The following INPP4B variants were observed in gnomAD, a reference collection of about 807,000 sequenced individuals.
INPP4B encodes the protein inositol polyphosphate-4-phosphatase type II B.
In INPP4B, 55 loss-of-function variants were observed where a neutral mutation model predicts 122.5. The ratio of observed to expected loss-of-function variants is 0.45; its 90% CI spans 0.36 to 0.56. The LOEUF is 0.56. INPP4B is among the 20% of genes least tolerant of loss of function. The probability of loss-of-function intolerance (pLI) is 0.00; values close to 1 mark genes in which losing one functional copy is unlikely to be tolerated. For missense variants in INPP4B, 1,000 were observed against 1,097.7 expected (o/e 0.91, Z 1.26); for synonymous variants, 403 against 388.7 (o/e 1.04, Z -0.43).
chr4:142,516,271 A>G (rs955711142), intron 2 of INPP4B, among the ~76,000 whole-genome samples: 17 of 152,350 alleles, frequency 1.1e-4, no homozygotes, highest in Admixed American at 8.5e-4. Flanking sequence ...AATAGTCACT[A>G]TGAACAGAAA....
intron 7 of INPP4B, among the ~76,000 whole-genome samples, chr4:142,320,576 C>T (rs977265254): frequency 1.1e-4 from 16 of 152,070 alleles, no homozygotes; most frequent in Non-Finnish European, 2.9e-5. Flanking sequence ...GTGGTGATTT[C>T]CGAGATTTTG....
At position 142,208,981 on chromosome 4, in the gene INPP4B, G is replaced by T; in HGVS notation, c.882C>A (p.Asp294Glu). ...GAGTAAGGACATTTTTTCGCAGATTGTCCCAATGTGGAGAAAGCTCACCAA... is the reference window on the plus strand; with the variant it reads ...GAGTAAGGACATTTTTTCGCAGATTTTCCCAATGTGGAGAAAGCTCACCAA... ...KELGELSPHW[D>E]NLRKNVLTHC... is the part of the protein sequence containing the mutation. The change falls in exon 13 of 26, where the codon GAC becomes GAA. Residue 294 changes from aspartate to glutamate, a missense_variant. Transcript: ENST00000262992. 6.2e-7 allele frequency: 1 copy of T among 1,605,182 alleles called. No homozygotes were observed. Among genetic ancestry groups the T allele is most frequent in the Non-Finnish European group, 8.5e-7 (1 of 1,174,290 alleles).
intron 1 of INPP4B, among the ~76,000 whole-genome samples, chr4:142,817,143 G>A (rs955260873): frequency 6.6e-6 from 1 of 152,150 alleles, no homozygotes; most frequent in African/African-American, 2.4e-5. Flanking sequence ...TAACAATGAA[G>A]ATGGGGATCA....
At chr4:142,490,147 C>A (rs979798762) in intron 2 of INPP4B, among the ~76,000 whole-genome samples, 1 of 151,914 alleles carries the variant, frequency 6.6e-6, no homozygotes, top group African/African-American at 2.4e-5. Flanking sequence ...GCACAAACAG[C>A]AAACATGGCT....
rs1409273599 is a variant in INPP4B, at chr4:142,222,489, C to T, written c.837-13463G>A. 3.3e-5 allele frequency among the ~76,000 whole-genome samples: 5 copies of T among 152,234 alleles called. No individual in the cohort carries two copies. The East Asian group carries it at 7.7e-4, about 23-fold the overall frequency. The stretch of plus-strand genomic sequence containing the variant: ...ATCTCCTAACTTGTTTTTCCCTCTA[C>T]ACTTTTGTCCCATTTTCTAAATGTA... On this transcript the variant is annotated intron_variant, in intron 12 of 25. Coordinates refer to ENST00000262992, the MANE Select transcript of INPP4B (RefSeq NM_001101669.3).
At chr4:142,353,414 T>A (rs184839979) in intron 7 of INPP4B, among the ~76,000 whole-genome samples, 289 of 152,140 alleles carry the variant, frequency 1.9e-3, no homozygotes, top group African/African-American at 6.2e-3. Context: ...ACTGGTCAGA[T>A]TCCAGGACAT....
At chr4:142,332,984 C>T (rs1775186981) in intron 7 of INPP4B, among the ~76,000 whole-genome samples, 2 of 136,630 alleles carry the variant, frequency 1.5e-5, no homozygotes, top group South Asian at 4.6e-4. Context: ...GCACTCCAGC[C>T]TGGGCGACAG....
rs142048913 is a variant in INPP4B, at chr4:142,390,597, G to A, written c.372+12341C>T. Among the ~76,000 whole-genome samples the A allele has an allele frequency of 2.0e-3, 312 of 152,224 alleles. 2 individuals carry two copies. The highest frequency in any genetic ancestry group is 6.8e-3 in the African/African-American group (281 of 41,558). On this transcript the variant is annotated intron_variant, in intron 7 of 25. Transcript: ENST00000262992. ...AGAGAGGTAAATAGGATTATTTGAC[G>A]TATTTAGATATATGGGGAGCATTCT... is the stretch of plus-strand genomic sequence containing the variant.
intron 2 of INPP4B, among the ~76,000 whole-genome samples, chr4:142,486,305 T>A (rs1821190601): frequency 6.6e-6 from 1 of 152,214 alleles, no homozygotes; most frequent in South Asian, 2.1e-4. Flanking sequence ...TTAGACTTCT[T>A]AATCTTAGAT....
At chr4:142,278,250 C>A (rs1252648109) in intron 9 of INPP4B, among the ~76,000 whole-genome samples, 2 of 151,854 alleles carry the variant, frequency 1.3e-5, no homozygotes. Context: ...AGATCAGAAT[C>A]TTAAATATCA....
chr4:142,333,015 A>C lies in INPP4B; in HGVS notation c.373-18253T>G, dbSNP rs867969668. ...GACAGAGCAAGACTCCGTCTCAAAA[A>C]AAAAAAAAAAAACAAAAAAAAAACC... On this transcript the variant is annotated intron_variant, in intron 7 of 25. Coordinates refer to ENST00000262992, the MANE Select transcript of INPP4B (RefSeq NM_001101669.3). Among the ~76,000 whole-genome samples the C allele has an allele frequency of 4.4e-3, 621 of 140,412 alleles. 4 individuals carry two copies. The highest frequency in any genetic ancestry group is 0.015 in the African/African-American group (582 of 38,798). The allele number at this position is 140,412 out of a possible 152,430, so 92.1% of individuals were successfully genotyped here. A position where few individuals can be genotyped will look rare whatever the true frequency, so the allele number is the denominator to read the frequency against.
At chr4:142,140,709 T>C (rs1258653840) in intron 18 of INPP4B, among the ~76,000 whole-genome samples, 1 of 152,202 alleles carries the variant, frequency 6.6e-6, no homozygotes, top group African/African-American at 2.4e-5. Flanking sequence ...TAGATTGTTT[T>C]AATCTTCTCA....
chr4:142,111,978 A>AG (rs1790391399), intron 22 of INPP4B, among the ~76,000 whole-genome samples: 2 of 151,958 alleles, frequency 1.3e-5, no homozygotes, highest in South Asian at 4.1e-4. Context: ...TCCTGACCTC[A>AG]GGTGATCCAC....
chr4:142,790,894 C>T (rs1264102524), intron 1 of INPP4B, among the ~76,000 whole-genome samples: 3 of 151,854 alleles, frequency 2.0e-5, no homozygotes, highest in Non-Finnish European at 2.9e-5. Flanking sequence ...ATGGGTGCAC[C>T]GGTAAATGAA....
chr4:142,139,742 A>C (rs769003435), intron 18 of INPP4B, among the ~76,000 whole-genome samples: 1 of 152,246 alleles, frequency 6.6e-6, no homozygotes, highest in Non-Finnish European at 1.5e-5. Context: ...TTTTAGGATG[A>C]AAAATCTTTG....
At chr4:142,569,442 A>C (rs2150153662) in intron 2 of INPP4B, among the ~76,000 whole-genome samples, 1 of 152,228 alleles carries the variant, frequency 6.6e-6, no homozygotes, top group South Asian at 2.1e-4. Flanking sequence ...GTGTTTCATA[A>C]ATGTTAAATC....
At chr4:142,735,925 AC>A (rs1554000414) in intron 1 of INPP4B, among the ~76,000 whole-genome samples, 1 of 2,516 alleles carries the variant, frequency 4.0e-4, no homozygotes, top group Non-Finnish European at 2.6e-3. Context: ...ATACATTGCA[AC>A]ACACACACAC....
At chr4:142,736,082 T>C (rs1414303375) in intron 1 of INPP4B, among the ~76,000 whole-genome samples, 1 of 152,114 alleles carries the variant, frequency 6.6e-6, no homozygotes, top group Admixed American at 6.6e-5. Flanking sequence ...TATACTCAAA[T>C]GGTGATCCAT....
chr4:142,066,550 T>C (rs1763591518), intron 25 of INPP4B, among the ~76,000 whole-genome samples: 1 of 152,092 alleles, frequency 6.6e-6, no homozygotes, highest in African/African-American at 2.4e-5. Context: ...AATTACTCTT[T>C]GAGAACAAAT....
Sources: allele counts gnomAD v4.1 joint callset (sites outside exome capture counted in the v4.1 genomes callset), GRCh38; gene constraint gnomAD v4.1.1; transcripts MANE v1.5; gene names NCBI Gene and HGNC (gene_info 2026-07-23, HGNC 2026-07-21).